The following MN1 variants were observed in gnomAD, a reference collection of about 807,000 sequenced individuals.
MN1 encodes MN1 proto-oncogene, transcriptional regulator, also known as transcriptional activator MN1.
Under a neutral mutation model 86.9 loss-of-function variants are expected in MN1, and 19 were observed. The ratio of observed to expected loss-of-function variants is 0.22; its 90% CI spans 0.15 to 0.32. The LOEUF (loss-of-function observed/expected upper bound fraction) is 0.32. MN1 is among the 10% of genes least tolerant of loss of function. MN1 has a pLI of 1.00. For synonymous variants in MN1, 928 were observed against 849.6 expected (o/e 1.09, Z -1.60); for missense variants, 1,841 against 1,862.0 (o/e 0.99, Z 0.21).
rs926204565 is a variant in MN1 at position 27,798,573 on chromosome 22, G to A, written c.1971C>T (p.Gly657=). 3.9e-6 allele frequency: 6 copies of A among 1,538,350 alleles called. No homozygotes were observed. The highest frequency in any genetic ancestry group is 1.2e-5 in the South Asian group (1 of 81,890). ...MGGSGLPADC[G]PHDPSLAPPP... ...GGGGCGCCAGGCTGGGGTCGTGCGG[G>A]CCACAGTCAGCGGGCAGACCCGAGC... Residue 657 remains glycine, a synonymous_variant, in exon 1 of 2, where the codon GGC becomes GGT. Transcript: ENST00000302326.
chr22:27,798,351 C>T lies in MN1; in HGVS notation c.2193G>A (p.Pro731=). The part of the protein sequence containing the change: ...LPSAASERRP[P]PPDFATSALG... ...GCGCAGACGTAGCAAAGTCCGGCGGCGGGGGCCGGCGCTCCGAAGCAGCGC... is the reference window on the plus strand; with the variant it reads ...GCGCAGACGTAGCAAAGTCCGGCGGTGGGGGCCGGCGCTCCGAAGCAGCGC... The change falls in exon 1 of 2, where the codon CCG becomes CCA. Residue 731 remains proline, a synonymous_variant. Transcript: ENST00000302326. 6.6e-7 allele frequency: 1 copy of T among 1,504,838 alleles called. No individual in the cohort carries two copies. The highest frequency in any genetic ancestry group is 1.2e-5 in the South Asian group (1 of 80,246). 93.2% of individuals were successfully genotyped at this position (1,504,838 alleles called of 1,614,324 possible).
At chr22:27,785,516 T>C (rs781263269) in intron 1 of MN1, among the ~76,000 whole-genome samples, 3 of 152,228 alleles carry the variant, frequency 2.0e-5, no homozygotes, top group Non-Finnish European at 2.9e-5. Flanking sequence ...CTCTCTTCGA[T>C]TCCCAAAATA....
intron 1 of MN1, among the ~76,000 whole-genome samples, chr22:27,790,123 G>T (rs926062553): frequency 6.6e-6 from 1 of 152,242 alleles, no homozygotes; most frequent in Non-Finnish European, 1.5e-5. Flanking sequence ...GGAGGCTGCT[G>T]ATTAAAATGA....
rs1256801664 is a variant in MN1, at chr22:27,748,711, C to G, written c.*2204G>C. 1.4e-5 allele frequency: 3 copies of G among 217,966 alleles called. No individual in the cohort carries two copies. In the East Asian group the frequency reaches 2.0e-4, roughly 15 times the overall value. The allele number at this position is 217,966 out of a possible 1,614,324, so 13.5% of individuals were successfully genotyped here. ...TTTTAAAGCTGTTTCATTCTGGGGT[C>G]GTGGGGAGCGAGAAAGTTTTTAAAA... is the stretch of plus-strand genomic sequence containing the variant. On this transcript the variant is annotated 3_prime_UTR_variant, in exon 2 of 2. Coordinates refer to ENST00000302326, the MANE Select transcript of MN1 (RefSeq NM_002430.3).
intron 1 of MN1, among the ~76,000 whole-genome samples, chr22:27,790,062 T>C (rs1172520437): frequency 6.6e-6 from 1 of 152,246 alleles, no homozygotes; most frequent in African/African-American, 2.4e-5. Context: ...CTGTGCCCTT[T>C]TGGGCAAACA....
chr22:27,769,405 A>G (rs1932895797), intron 1 of MN1, among the ~76,000 whole-genome samples: 1 of 152,030 alleles, frequency 6.6e-6, no homozygotes, highest in Non-Finnish European at 1.5e-5. Context: ...TCACACCCCC[A>G]GCCTCCTGTT....
In MN1 at chr22:27,750,372, A is replaced by G. The variant is rs1932753063; in HGVS notation, c.*543T>C. On this transcript the variant is annotated 3_prime_UTR_variant, in exon 2 of 2. Coordinates refer to ENST00000302326, the MANE Select transcript of MN1 (RefSeq NM_002430.3). Reference sequence around the variant, plus strand: ...GTCAATATATAACATTGTGATGACAATTGGACTTTCACCCGGCAATATTCC... The same window carrying G: ...GTCAATATATAACATTGTGATGACAGTTGGACTTTCACCCGGCAATATTCC... 1 of 216,176 alleles carries G rather than the reference A, an allele frequency of 4.6e-6. No individual in the cohort carries two copies. Among genetic ancestry groups the G allele is most frequent in the Non-Finnish European group, 9.3e-6 (1 of 107,580 alleles). 13.4% of individuals were successfully genotyped at this position (216,176 alleles called of 1,614,324 possible).
chr22:27,771,426 T>C (rs1279774514), intron 1 of MN1, among the ~76,000 whole-genome samples: 3 of 151,712 alleles, frequency 2.0e-5, no homozygotes, highest in Admixed American at 6.6e-5. Flanking sequence ...GGGGTCTCAC[T>C]ATGTTGCCCA....
chr22:27,771,548 A>G (rs1459327376), intron 1 of MN1, among the ~76,000 whole-genome samples: 2 of 152,078 alleles, frequency 1.3e-5, no homozygotes, highest in Admixed American at 6.5e-5. Flanking sequence ...TTAATGGTTG[A>G]AAAAAAGTCA....
Position 27,799,196 on chromosome 22 carries a change from A to AG in MN1, c.1347dup (p.Tyr450LeufsTer35). 1.2e-6 allele frequency: 2 copies of AG among 1,605,122 alleles called. No homozygotes were observed. ...CGCGGCCTCTTGGCCACGTTCATGT[A>AG]GGGGGGCGCGTCGAAATGCTGCAGC... On this transcript the variant is annotated frameshift_variant, in exon 1 of 2. Transcript: ENST00000302326. LOFTEE classifies it high-confidence loss of function.
At position 27,799,239 on chromosome 22, in the gene MN1, C is replaced by T. The variant is rs1229031654; in HGVS notation, c.1305G>A (p.Gln435=). The T allele has an allele frequency of 5.7e-6, 9 of 1,591,746 alleles. No individual in the cohort carries two copies. The highest frequency in any genetic ancestry group is 4.0e-5 in the African/African-American group (3 of 74,460). Residue 435 remains glutamine (Q), a synonymous_variant, in exon 1 of 2, where the codon CAG becomes CAA. Transcript: ENST00000302326. ...PVFSMQHPPP[Q]QAPNQRLQHF... ...GCTGCAGCCGCTGGTTGGGCGCCTGCTGCGGAGGAGGATGCTGCATGCTGA... is the reference window on the plus strand; with the variant it reads ...GCTGCAGCCGCTGGTTGGGCGCCTGTTGCGGAGGAGGATGCTGCATGCTGA...
Position 27,801,534 on chromosome 22 carries a change from A to T in MN1, c.-991T>A. Reference sequence around the variant, plus strand: ...CGCGAGTCCCTCTCGGACCTGAGGGAGGGGGGCGTACGCGGGTCGGGGGGC... The same window carrying T: ...CGCGAGTCCCTCTCGGACCTGAGGGTGGGGGGCGTACGCGGGTCGGGGGGC... On this transcript the variant is annotated 5_prime_UTR_variant, in exon 1 of 2. Coordinates refer to ENST00000302326, the MANE Select transcript of MN1 (RefSeq NM_002430.3). 8.0e-6 allele frequency: 1 copy of T among 125,110 alleles called. No homozygotes were observed. The highest frequency in any genetic ancestry group is 1.6e-5 in the Non-Finnish European group (1 of 64,332). The allele number at this position is 125,110 out of a possible 1,614,324, so 7.7% of individuals were successfully genotyped here.
Position 27,800,060 on chromosome 22 carries a change from G to A in MN1, c.484C>T (p.Pro162Ser). 6.2e-7 allele frequency: 1 copy of A among 1,600,504 alleles called. No individual in the cohort carries two copies. The highest frequency in any genetic ancestry group is 2.2e-5 in the East Asian group (1 of 44,762). The change falls in exon 1 of 2, where the codon CCT (proline) becomes TCT (serine). Residue 162 changes from proline to serine, a missense_variant. Transcript: ENST00000302326. Reference sequence around the variant, plus strand: ...GGTCGCTGCGGGCCGAAGCTCTCAGGCCCCTGGCTCTCCGCCATGTGCTCA... The same window carrying A: ...GGTCGCTGCGGGCCGAAGCTCTCAGACCCCTGGCTCTCCGCCATGTGCTCA... ...GYEHMAESQGPESFGPQRPGN... is the reference protein window; with the variant it reads ...GYEHMAESQGSESFGPQRPGN...
At position 27,801,516 on chromosome 22, in the gene MN1, C is replaced by A. The variant is rs1254485638; in HGVS notation, c.-973G>T. Reference sequence around the variant, plus strand: ...CTCCGCGCTGAGGTGCTTCGCGAGTCCCTCTCGGACCTGAGGGAGGGGGGC... The same window carrying A: ...CTCCGCGCTGAGGTGCTTCGCGAGTACCTCTCGGACCTGAGGGAGGGGGGC... On this transcript the variant is annotated 5_prime_UTR_variant, in exon 1 of 2. Coordinates refer to ENST00000302326, the MANE Select transcript of MN1 (RefSeq NM_002430.3). The A allele has an allele frequency of 5.4e-6, 1 of 186,866 alleles. No homozygotes were observed. Among genetic ancestry groups the A allele is most frequent in the Non-Finnish European group, 1.1e-5 (1 of 88,468 alleles). 11.6% of individuals were successfully genotyped at this position (186,866 alleles called of 1,614,324 possible). A position where few individuals can be genotyped will look rare whatever the true frequency, so the allele number is the denominator to read the frequency against.
chr22:27,796,301 G>A (rs1352664016), intron 1 of MN1, among the ~76,000 whole-genome samples: 1 of 152,160 alleles, frequency 6.6e-6, no homozygotes, highest in Non-Finnish European at 1.5e-5. Flanking sequence ...GCTAGAGGCT[G>A]ACTAACTAGG....
At position 27,799,531 on chromosome 22, in the gene MN1, A is replaced by G; in HGVS notation, c.1013T>C (p.Met338Thr). 6.9e-7 allele frequency: 1 copy of G among 1,457,100 alleles called. No homozygotes were observed. Among genetic ancestry groups the G allele is most frequent in the African/African-American group, 1.4e-5 (1 of 69,766 alleles). The allele number at this position is 1,457,100 out of a possible 1,614,324, so 90.3% of individuals were successfully genotyped here. The change falls in exon 1 of 2, where the codon ATG (methionine) becomes ACG (threonine). Residue 338 changes from methionine to threonine, a missense_variant. Coordinates refer to ENST00000302326, the MANE Select transcript of MN1 (RefSeq NM_002430.3). ...TGGCGGGGCCTGCTGGGGAGGCTGC[A>G]TTAACGGGTGCCTGGAGCCCACTGA... The part of the protein sequence containing the change: ...EPSVGSRHPL[M>T]QPPQQAPPPP...
At chr22:27,767,382 T>C (rs1932877875) in intron 1 of MN1, among the ~76,000 whole-genome samples, 1 of 152,040 alleles carries the variant, frequency 6.6e-6, no homozygotes, top group African/African-American at 2.4e-5. Flanking sequence ...CATGTAGAGA[T>C]TAAGGAATTA....
At position 27,800,408 on chromosome 22, in the gene MN1, C is replaced by T; in HGVS notation, c.136G>A (p.Gly46Ser). 1 of 1,614,064 alleles carries T rather than the reference C, an allele frequency of 6.2e-7. No homozygotes were observed. The highest frequency in any genetic ancestry group is 1.1e-5 in the South Asian group (1 of 91,076). ...APAFHTGGPP[G>S]PVDPAMSALG... Reference sequence around the variant, plus strand: ...GCGCTCATAGCAGGATCCACAGGGCCAGGGGGCCCCCCAGTGTGGAAAGCC... The same window carrying T: ...GCGCTCATAGCAGGATCCACAGGGCTAGGGGGCCCCCCAGTGTGGAAAGCC... Residue 46 changes from glycine to serine, a missense_variant, in exon 1 of 2, where the codon GGC becomes AGC. Coordinates refer to ENST00000302326, the MANE Select transcript of MN1 (RefSeq NM_002430.3).
intron 1 of MN1, among the ~76,000 whole-genome samples, chr22:27,777,026 G>A (rs76133027): frequency 0.039 from 5,893 of 152,180 alleles, 253 homozygotes; most frequent in African/African-American, 0.1. Flanking sequence ...TCTTTAAAAC[G>A]CAAGGGAGGG....
Sources: gnomAD v4.1 joint callset for allele counts (sites outside exome capture counted in the v4.1 genomes callset) on GRCh38, gnomAD v4.1.1 for gene constraint, MANE v1.5 for transcripts, NCBI Gene and HGNC (gene_info 2026-07-23, HGNC 2026-07-21) for gene names.